PIEZO2: variants seen among roughly 807,000 people sequenced by gnomAD.
PIEZO2 encodes piezo type mechanosensitive ion channel component 2, also known as piezo-type mechanosensitive ion channel component 2.
PIEZO2 carries 172 observed loss-of-function variants against 337.3 expected under a neutral mutation model. The ratio of observed to expected loss-of-function variants is 0.51; its 90% CI spans 0.45 to 0.58. The LOEUF (loss-of-function observed/expected upper bound fraction) is 0.58. Ranked by LOEUF, PIEZO2 falls within the 20% of genes least tolerant of loss-of-function variation. The pLI, the probability that PIEZO2 is intolerant of heterozygous loss-of-function variation, is 0.00. For synonymous variants in PIEZO2, 1,251 were observed against 1,228.5 expected (o/e 1.02, Z -0.38); for missense variants, 3,028 against 3,391.3 (o/e 0.89, Z 2.66).
In PIEZO2 at chr18:11,100,806, A is replaced by G. The variant is rs189514137; in HGVS notation, c.65-34584T>C. On this transcript the variant is annotated intron_variant, in intron 1 of 55. Coordinates refer to ENST00000674853, the MANE Select transcript of PIEZO2 (RefSeq NM_001378183.1). Reference sequence around the variant, plus strand: ...GAGACAGGGTTTCACCGTGTTAGCCAGGATGGTCTCGATCTCCTGACCTCG... The same window carrying G: ...GAGACAGGGTTTCACCGTGTTAGCCGGGATGGTCTCGATCTCCTGACCTCG... Among the ~76,000 whole-genome samples the G allele has an allele frequency of 4.1e-3, 622 of 152,300 alleles. 4 individuals carry two copies. The highest frequency in any genetic ancestry group is 4.7e-3 in the Non-Finnish European group (317 of 68,028).
At chr18:11,121,008 T>G (rs1170051737) in intron 1 of PIEZO2, among the ~76,000 whole-genome samples, 2 of 152,160 alleles carry the variant, frequency 1.3e-5, no homozygotes, top group Non-Finnish European at 2.9e-5. Context: ...ATCCCAGCAC[T>G]TTGGGAGGCT....
Position 10,724,946 on chromosome 18 carries a change from G to A in PIEZO2, c.5029+6461C>T, listed in dbSNP as rs917687229. ...CCTGGACGGCGATGGAACCCAGGTG[G>A]GCGCACCCTGCGGCCTGCAGCCTCC... On this transcript the variant is annotated intron_variant, in intron 36 of 55. Transcript: ENST00000674853. This position sits in a 1 kb window ranked among gnomAD's most constrained non-coding sequence, Gnocchi z 5.8. 3.0e-5 allele frequency: 48 copies of A among 1,596,930 alleles called. No homozygotes were observed. The highest frequency in any genetic ancestry group is 2.2e-4 in the Middle Eastern group (1 of 4,556).
chr18:11,014,464 C>A (rs1302083956), intron 2 of PIEZO2, among the ~76,000 whole-genome samples: 1 of 149,116 alleles, frequency 6.7e-6, no homozygotes, highest in Non-Finnish European at 1.5e-5. Flanking sequence ...GAACATGTCA[C>A]CCTGGGTGGG....
intron 3 of PIEZO2, among the ~76,000 whole-genome samples, chr18:10,941,741 TA>T (rs2032734661): frequency 6.6e-6 from 1 of 152,160 alleles, no homozygotes; most frequent in South Asian, 2.1e-4. Flanking sequence ...GAATATAAAA[TA>T]AATTGATTTA....
chr18:11,119,628 T>G (rs905241073), intron 1 of PIEZO2, among the ~76,000 whole-genome samples: 3 of 151,998 alleles, frequency 2.0e-5, no homozygotes, highest in African/African-American at 7.3e-5. Context: ...GGGTTTAGAG[T>G]AGGGACGAGG....
intron 44 of PIEZO2, 140 bp downstream of exon 44, chr18:10,698,785 C>T: frequency 6.0e-6 from 7 of 1,167,738 alleles, no homozygotes; most frequent in South Asian, 4.8e-5. Context: ...TCTCTGATTT[C>T]AAAGCCCTTT....
chr18:10,762,860 C>G (rs1243486814), intron 22 of PIEZO2, 62 bp downstream of exon 22: 1 of 1,492,100 alleles, frequency 6.7e-7, no homozygotes, highest in Admixed American at 2.1e-5. Flanking sequence ...GGGGGTTCCC[C>G]AAGTATCTGC....
rs1471908924 is a variant in PIEZO2 at position 11,116,698 on chromosome 18, G to C, written c.64+31827C>G. ...CCACCGCACTCCAGCCTGGGCGACA[G>C]AACGAGACTCCGTCTCAAAAAAAAC... On this transcript the variant is annotated intron_variant, in intron 1 of 55. Coordinates refer to ENST00000674853, the MANE Select transcript of PIEZO2 (RefSeq NM_001378183.1). The surrounding 1 kb of genome is among the most constrained non-coding windows in gnomAD (Gnocchi z 5.0). Among the ~76,000 whole-genome samples, 3 of 151,376 alleles carry C rather than the reference G, an allele frequency of 2.0e-5. No homozygotes were observed. Among genetic ancestry groups the C allele is most frequent in the Admixed American group, 6.6e-5 (1 of 15,204 alleles).
At chr18:10,810,632 A>T (rs904679096) in intron 7 of PIEZO2, among the ~76,000 whole-genome samples, 8 of 152,168 alleles carry the variant, frequency 5.3e-5, no homozygotes, top group Non-Finnish European at 1.2e-4. Flanking sequence ...GCTCTGCTAG[A>T]TTATTTGGGG....
At position 10,740,593 on chromosome 18, in the gene PIEZO2, G is replaced by C. The variant is rs1030331600; in HGVS notation, c.4708+438C>G. On this transcript the variant is annotated intron_variant, in intron 33 of 55. Coordinates refer to ENST00000674853, the MANE Select transcript of PIEZO2 (RefSeq NM_001378183.1). The stretch of plus-strand genomic sequence containing the variant: ...CCATGCCTAGTGCCTTACAGAGAAA[G>C]GGTCACTGACCCTTTGAATAGAATG... The C allele has an allele frequency of 3.2e-5, 6 of 186,354 alleles. No individual in the cohort carries two copies. The Admixed American group carries it at 3.5e-4, about 11-fold the overall frequency. The allele number at this position is 186,354 out of a possible 1,614,324, so 11.5% of individuals were successfully genotyped here.
chr18:11,139,765 T>A (rs551551529), intron 1 of PIEZO2, among the ~76,000 whole-genome samples: 1 of 152,320 alleles, frequency 6.6e-6, no homozygotes, highest in Middle Eastern at 3.4e-3. Flanking sequence ...TAACGGGTTC[T>A]GGGACTCAAA....
intron 47 of PIEZO2, 70 bp downstream of exon 47, chr18:10,696,004 T>A (rs2035064002): frequency 8.4e-6 from 12 of 1,428,326 alleles, no homozygotes; most frequent in Admixed American, 1.7e-5. Flanking sequence ...GTGCAATGCA[T>A]GCGAGTATCA....
rs1403231516 is a variant in PIEZO2, at chr18:11,047,659, G to A, written c.160+18468C>T. Among the ~76,000 whole-genome samples, 5 of 152,138 alleles carry A rather than the reference G, an allele frequency of 3.3e-5. No homozygotes were observed. Among genetic ancestry groups the A allele is most frequent in the Non-Finnish European group, 4.4e-5 (3 of 68,024 alleles). On this transcript the variant is annotated intron_variant, in intron 2 of 55. Transcript: ENST00000674853. This position sits in a 1 kb window ranked among gnomAD's most constrained non-coding sequence, Gnocchi z 7.2. ...GAATCGAAGTCTTGGTCCTAAGGAG[G>A]AGGGCACGGGGGGAATCTGGGGAGA...
intron 1 of PIEZO2, among the ~76,000 whole-genome samples, chr18:11,098,110 C>G (rs951535450): frequency 6.6e-6 from 1 of 151,992 alleles, no homozygotes; most frequent in African/African-American, 2.4e-5. Context: ...ATTTGTAATA[C>G]TTAAAAATTA....
rs572515916 is a variant in PIEZO2, at chr18:11,101,933, G to A, written c.65-35711C>T. 6.6e-6 allele frequency among the ~76,000 whole-genome samples: 1 copy of A among 152,256 alleles called. No homozygotes were observed. Among genetic ancestry groups the A allele is most frequent in the South Asian group, 2.1e-4 (1 of 4,812 alleles). ...TAACATGAGTATGTAAACATTTCTGGATATGTTTAGTTTTTAAACCTCTGA... is the reference window on the plus strand; with the variant it reads ...TAACATGAGTATGTAAACATTTCTGAATATGTTTAGTTTTTAAACCTCTGA... On this transcript the variant is annotated intron_variant, in intron 1 of 55. Transcript: ENST00000674853. The surrounding 1 kb of genome is among the most constrained non-coding windows in gnomAD (Gnocchi z 4.4).
chr18:10,686,825 G>A (rs1186684931), intron 49 of PIEZO2, among the ~76,000 whole-genome samples: 1 of 152,160 alleles, frequency 6.6e-6, no homozygotes, highest in Non-Finnish European at 1.5e-5. Flanking sequence ...ACAGTGCAAA[G>A]ATGTGTCAAG....
intron 2 of PIEZO2, among the ~76,000 whole-genome samples, chr18:11,015,409 G>A (rs996656166): frequency 2.6e-5 from 4 of 152,200 alleles, no homozygotes; most frequent in Middle Eastern, 3.2e-3. Flanking sequence ...CTGATTTCAT[G>A]GAGAGCTCAA....
At chr18:10,770,338 T>C (rs956352611) in intron 20 of PIEZO2, 30 bp from the exon 21 acceptor site, 3 of 1,500,030 alleles carry the variant, frequency 2.0e-6, no homozygotes, top group Non-Finnish European at 2.7e-6. Flanking sequence ...GACAAGAGCA[T>C]AACATTTTTA....
intron 3 of PIEZO2, among the ~76,000 whole-genome samples, chr18:10,935,314 A>G (rs1012127713): frequency 2.0e-5 from 3 of 152,204 alleles, no homozygotes; most frequent in African/African-American, 7.2e-5. Context: ...AGTAATGAAC[A>G]AAGAGGAAGG....
Sources: gnomAD v4.1 joint callset for allele counts (sites outside exome capture counted in the v4.1 genomes callset) on GRCh38, gnomAD v4.1.1 for gene constraint, Gnocchi (gnomAD v3.1) non-coding constraint, MANE v1.5 for transcripts, NCBI Gene and HGNC (gene_info 2026-07-23, HGNC 2026-07-21) for gene names.